The following SMS variants were observed in gnomAD, a reference collection of about 807,000 sequenced individuals.
The protein encoded by SMS is spermine synthase, also known as spermidine aminopropyltransferase.
SMS carries 3 observed loss-of-function variants against 33.0 expected under a neutral mutation model. The ratio of observed to expected loss-of-function variants is 0.09; its 90% CI spans 0.04 to 0.23. The LOEUF is 0.23. Among genes scored for constraint, SMS ranks in the 10% least tolerant of loss-of-function variants. The pLI is 1.00. For synonymous variants in SMS, 103 were observed against 112.2 expected (o/e 0.92, Z 0.52); for missense variants, 117 against 288.6 (o/e 0.41, Z 4.31).
chrX:21,952,075 A>G (rs1922641041), intron 1 of SMS, among the ~76,000 whole-genome samples: 1 of 111,898 alleles, frequency 8.9e-6, no homozygotes, highest in African/African-American at 3.2e-5. Flanking sequence ...TCCTGGTTCC[A>G]CTACTTACTA....
chrX:21,951,435 A>G (rs147339756), intron 1 of SMS, among the ~76,000 whole-genome samples: 1,422 of 112,062 alleles, frequency 0.013, 29 homozygotes, highest in African/African-American at 0.043. Context: ...GAAGCTCTTT[A>G]GTTGAATTAA....
At chrX:21,944,411 A>AGT (rs1369561565) in intron 1 of SMS, among the ~76,000 whole-genome samples, 1 of 107,072 alleles carries the variant, frequency 9.3e-6, no homozygotes, top group Non-Finnish European at 1.9e-5. Flanking sequence ...AGAGTGAGTG[A>AGT]GAGGCCCGGC....
At chrX:21,968,681 A>G (rs1319985794) in intron 2 of SMS, among the ~76,000 whole-genome samples, 1 of 112,451 alleles carries the variant, frequency 8.9e-6, no homozygotes, top group Admixed American at 9.4e-5. Flanking sequence ...ACTGATAACA[A>G]GAAACCAGTG....
chrX:21,958,822 A>G (rs1309160982), intron 1 of SMS, among the ~76,000 whole-genome samples: 1 of 112,971 alleles, frequency 8.9e-6, no homozygotes, highest in Non-Finnish European at 1.9e-5. Flanking sequence ...GATTACAAGC[A>G]TGTGCCATCA....
chrX:21,956,249 C>T (rs755909417), intron 1 of SMS, among the ~76,000 whole-genome samples: 10 of 111,154 alleles, frequency 9.0e-5, no homozygotes, highest in African/African-American at 2.6e-4. Context: ...TCTGGTTGCT[C>T]TTCTCTGTGA....
intron 2 of SMS, among the ~76,000 whole-genome samples, chrX:21,967,685 C>G (rs1338341238): frequency 2.7e-5 from 3 of 111,998 alleles, no homozygotes; most frequent in Non-Finnish European, 1.9e-5. Context: ...GTGAATAGTT[C>G]ATGAGGTAGA....
chrX:21,966,212 C>G (rs1476377872), intron 1 of SMS, among the ~76,000 whole-genome samples: 1 of 111,925 alleles, frequency 8.9e-6, no homozygotes, highest in Non-Finnish European at 1.9e-5. Context: ...TTGTTTTTTT[C>G]TTTTACCTCT....
intron 2 of SMS, 49 bp downstream of exon 2, chrX:21,967,365 A>G (rs766427081): frequency 1.7e-6 from 2 of 1,171,852 alleles, no homozygotes; most frequent in African/African-American, 3.6e-5. Flanking sequence ...TTATGAGCAG[A>G]GAGGGTGACA....
At chrX:21,944,539 A>AAAAAAG (rs1922059539) in intron 1 of SMS, among the ~76,000 whole-genome samples, 8 of 81,436 alleles carry the variant, frequency 9.8e-5, no homozygotes, top group Admixed American at 5.3e-4. Context: ...AAAAAAAAAA[A>AAAAAAG]AAAAAAGAAA....
Position 21,992,591 on chromosome X carries a change from AT to A in SMS, c.946-3del. ...AATCCCATTTGCTTATCTCTCTTTG[AT>A]TTAGGGGAACTGTGTCAATCTGACA... On this transcript the variant is annotated splice_polypyrimidine_tract_variant and splice_region_variant and intron_variant, in intron 9 of 10. Coordinates refer to ENST00000404933, the MANE Select transcript of SMS (RefSeq NM_004595.5). The A allele has an allele frequency of 8.6e-7, 1 of 1,157,977 alleles. No homozygotes were observed. Among genetic ancestry groups the A allele is most frequent in the African/African-American group, 1.8e-5 (1 of 56,639 alleles).
chrX:21,944,066 ATGT>A (rs889458890), intron 1 of SMS, among the ~76,000 whole-genome samples: 14 of 111,465 alleles, frequency 1.3e-4, no homozygotes, highest in Non-Finnish European at 2.3e-4. Flanking sequence ...CTTAGTTATG[ATGT>A]TGTTACTGTG....
intron 1 of SMS, among the ~76,000 whole-genome samples, chrX:21,941,933 A>AAGAG (rs886893071): frequency 2.0e-5 from 2 of 100,612 alleles, no homozygotes; most frequent in Non-Finnish European, 4.0e-5. Context: ...ACCCGACCAG[A>AAGAG]AGAGAGAGGC....
intron 1 of SMS, among the ~76,000 whole-genome samples, chrX:21,958,143 T>C (rs1415260399): frequency 1.8e-5 from 2 of 112,230 alleles, no homozygotes; most frequent in African/African-American, 6.5e-5. Context: ...TTTTTGTTTT[T>C]GTTGCATTTG....
intron 1 of SMS, among the ~76,000 whole-genome samples, chrX:21,965,158 GC>G (rs1923613494): frequency 8.9e-6 from 1 of 111,819 alleles, no homozygotes; most frequent in African/African-American, 3.3e-5. Context: ...TAATCCAGAT[GC>G]TTTTATCTCA....
chrX:21,961,761 A>G (rs1923372246), intron 1 of SMS, among the ~76,000 whole-genome samples: 1 of 112,135 alleles, frequency 8.9e-6, no homozygotes, highest in Non-Finnish European at 1.9e-5. Flanking sequence ...GACAAAGGAC[A>G]CGTTTTGCCT....
rs1474904329 is a variant in SMS at position 21,944,767 on chromosome X, C to T, written c.49+3894C>T. Among the ~76,000 whole-genome samples the T allele has an allele frequency of 4.5e-5, 5 of 110,172 alleles. No individual in the cohort carries two copies. In the East Asian group the frequency reaches 8.6e-4, roughly 19 times the overall value. On this transcript the variant is annotated intron_variant, in intron 1 of 10. Coordinates refer to ENST00000404933, the MANE Select transcript of SMS (RefSeq NM_004595.5). The stretch of plus-strand genomic sequence containing the variant: ...CTGAGGTGGGCAGATCACCTGAGGA[C>T]GGGAGTTTGAGATCAGCCTGGCCAA...
intron 10 of SMS, 102 bp downstream of exon 10, chrX:21,992,814 C>T: frequency 2.1e-6 from 1 of 477,436 alleles, no homozygotes; most frequent in Non-Finnish European, 3.7e-6. Flanking sequence ...TTAGCTTAGC[C>T]ATAGAGTATA....
At chrX:21,957,764 G>A (rs937493400) in intron 1 of SMS, among the ~76,000 whole-genome samples, 4 of 111,573 alleles carry the variant, frequency 3.6e-5, no homozygotes, top group African/African-American at 9.8e-5. Context: ...CCACATCCAC[G>A]CCAACATCTA....
intron 7 of SMS, among the ~76,000 whole-genome samples, chrX:21,983,151 C>T (rs1453418146): frequency 9.0e-6 from 1 of 111,009 alleles, no homozygotes; most frequent in African/African-American, 3.3e-5. Flanking sequence ...GCGATCCTCC[C>T]ACCTCAACTT....
Sources: gnomAD v4.1 joint callset for allele counts (sites outside exome capture counted in the v4.1 genomes callset) on GRCh38, gnomAD v4.1.1 for gene constraint, MANE v1.5 for transcripts, NCBI Gene and HGNC (gene_info 2026-07-23, HGNC 2026-07-21) for gene names.